CCDC102B: variants seen among roughly 807,000 people sequenced by gnomAD.
CCDC102B encodes the protein coiled-coil domain containing 102B.
CCDC102B carries 75 observed loss-of-function variants against 57.4 expected under a neutral mutation model. The observed-to-expected ratio is 1.31, with a 90% CI of 1.08 to 1.58. The LOEUF (loss-of-function observed/expected upper bound fraction) is 1.58, where lower values mean the gene tolerates loss of function less well. Ranked by LOEUF, CCDC102B falls within the 40% of genes most tolerant of loss-of-function variation. The pLI is 0.00. For missense variants in CCDC102B, 636 were observed against 582.6 expected (o/e 1.09, Z -0.94); for synonymous variants, 206 against 201.9 (o/e 1.02, Z -0.17).
intron 2 of CCDC102B, among the ~76,000 whole-genome samples, chr18:68,735,302 G>C (rs2033077393): frequency 6.6e-6 from 1 of 152,022 alleles, no homozygotes; most frequent in Non-Finnish European, 1.5e-5. Flanking sequence ...CAGGCGATCT[G>C]CCTGCCTCGG....
Position 68,993,368 on chromosome 18 carries a change from G to T in CCDC102B, c.1264-17566G>T, listed in dbSNP as rs563465096. On this transcript the variant is annotated intron_variant, in intron 6 of 7. Coordinates refer to ENST00000360242, the MANE Select transcript of CCDC102B (RefSeq NM_024781.3). The stretch of plus-strand genomic sequence containing the variant: ...ACTATCAAACACAGTGAAGGCATCA[G>T]TTGGCTCATGACAGATTGTCACATA... 6.6e-5 allele frequency: 10 copies of T among 152,360 alleles called. 2 individuals are homozygous for T. The highest frequency in any genetic ancestry group is 2.4e-4 in the African/African-American group (10 of 41,586). The allele number at this position is 152,360 out of a possible 1,614,324, so 9.4% of individuals were successfully genotyped here.
intron 6 of CCDC102B, among the ~76,000 whole-genome samples, chr18:68,929,556 A>G (rs1184142462): frequency 6.6e-6 from 1 of 151,948 alleles, no homozygotes; most frequent in East Asian, 1.9e-4. Flanking sequence ...TAAAAATAGT[A>G]TAAAATCTAA....
chr18:68,968,070 T>C (rs1218532647), intron 6 of CCDC102B, among the ~76,000 whole-genome samples: 2 of 152,148 alleles, frequency 1.3e-5, no homozygotes, highest in African/African-American at 4.8e-5. Context: ...TAAGAACTAA[T>C]TCCAATAATA....
chr18:68,782,304 G>C (rs10503122), intron 2 of CCDC102B, among the ~76,000 whole-genome samples: 2 of 151,650 alleles, frequency 1.3e-5, no homozygotes, highest in African/African-American at 4.9e-5. Context: ...CTTTGTCCTT[G>C]TTGTGTAGGA....
chr18:68,911,470 AGGCCGGGCGCGGTGGCTC>A (rs2040844915), intron 6 of CCDC102B, among the ~76,000 whole-genome samples: 1 of 151,978 alleles, frequency 6.6e-6, no homozygotes, highest in Admixed American at 6.5e-5. Context: ...AGATCAGAAA[AGGCCGGGCGCGGTGGCTC>A]ACGCCTGTAA....
chr18:69,008,149 C>CT (rs1269223955), intron 6 of CCDC102B, among the ~76,000 whole-genome samples: 2 of 152,124 alleles, frequency 1.3e-5, no homozygotes, highest in South Asian at 2.1e-4. Flanking sequence ...CAAGAAAGAT[C>CT]TTTTTTTAAA....
Position 68,731,814 on chromosome 18 carries a change from G to A in CCDC102B, c.-67+15220G>A, listed in dbSNP as rs73454089. Among the ~76,000 whole-genome samples the A allele has an allele frequency of 5.2e-3, 780 of 148,804 alleles. 9 individuals carry two copies. Among genetic ancestry groups the A allele is most frequent in the African/African-American group, 0.018 (736 of 41,026 alleles). ...CTCTTCAGACAGACAATAGTCTTGA[G>A]ATTTTGAAATCTCTGAACACCATTT... On this transcript the variant is annotated intron_variant, in intron 2 of 3. Transcript: ENST00000578970.
At chr18:68,740,102 C>T (rs748698250) in intron 2 of CCDC102B, among the ~76,000 whole-genome samples, 12 of 152,138 alleles carry the variant, frequency 7.9e-5, no homozygotes, top group East Asian at 7.7e-4. Flanking sequence ...TATGGAGAAG[C>T]GTCCTGTACA....
rs752772703 is a variant in CCDC102B, at chr18:68,897,361, G to T, written c.1196G>T (p.Arg399Ile). 1.9e-6 allele frequency: 3 copies of T among 1,612,810 alleles called. No individual in the cohort carries two copies. The African/African-American group carries it at 4.0e-5, about 22-fold the overall frequency. Residue 399 changes from arginine to isoleucine, a missense_variant, in exon 6 of 8, where the codon AGA becomes ATA. Coordinates refer to ENST00000360242, the MANE Select transcript of CCDC102B (RefSeq NM_024781.3). ...GAAGAGCTTTTGGATAAGAAAAATAGATTAAGTGCAAACTCTCAAAGTCCT... is the reference window on the plus strand; with the variant it reads ...GAAGAGCTTTTGGATAAGAAAAATATATTAAGTGCAAACTCTCAAAGTCCT... Reference protein sequence around the residue: ...EMEELLDKKNRLSANSQSPDF... With the variant: ...EMEELLDKKNILSANSQSPDF...
At chr18:69,020,744 C>T (rs1449814815) in intron 7 of CCDC102B, among the ~76,000 whole-genome samples, 1 of 152,088 alleles carries the variant, frequency 6.6e-6, no homozygotes, top group East Asian at 1.9e-4. Flanking sequence ...CTGTGGTATC[C>T]TTTGAATGCA....
chr18:68,886,059 A>G (rs775671907), intron 5 of CCDC102B, among the ~76,000 whole-genome samples: 2 of 151,886 alleles, frequency 1.3e-5, no homozygotes, highest in African/African-American at 2.4e-5. Context: ...AAATATATAT[A>G]TATATTTACA....
chr18:68,955,697 C>T (rs116093142), intron 6 of CCDC102B, among the ~76,000 whole-genome samples: 219 of 151,510 alleles, frequency 1.4e-3, no homozygotes, highest in Middle Eastern at 0.01. Flanking sequence ...CGTTTCCAAA[C>T]GTTGCTGATG....
intron 2 of CCDC102B, among the ~76,000 whole-genome samples, chr18:68,769,928 T>C (rs1001950263): frequency 1.3e-5 from 2 of 152,182 alleles, no homozygotes; most frequent in African/African-American, 2.4e-5. Context: ...TTGCATTGAA[T>C]ATATTAGGAT....
upstream of CCDC102B, among the ~76,000 whole-genome samples, chr18:68,794,198 A>C (rs1241017582): frequency 1.3e-5 from 2 of 152,110 alleles, no homozygotes; most frequent in Non-Finnish European, 2.9e-5. Flanking sequence ...TGCTGTTCTC[A>C]ATGTGTGGCT....
At position 69,004,214 on chromosome 18, in the gene CCDC102B, A is replaced by G. The variant is rs373519701; in HGVS notation, c.1264-6720A>G. 1.4e-3 allele frequency among the ~76,000 whole-genome samples: 213 copies of G among 152,302 alleles called. 2 individuals are homozygous for G. Among genetic ancestry groups the G allele is most frequent in the African/African-American group, 5.0e-3 (207 of 41,570 alleles). On this transcript the variant is annotated intron_variant, in intron 6 of 7. Coordinates refer to ENST00000360242, the MANE Select transcript of CCDC102B (RefSeq NM_024781.3). Reference sequence around the variant, plus strand: ...TGCTGAAGTCTGTTACCTGGGAAGCAGATTCTGGAGATATCAACATGCAGG... The same window carrying G: ...TGCTGAAGTCTGTTACCTGGGAAGCGGATTCTGGAGATATCAACATGCAGG...
chr18:68,924,105 C>A (rs1473468806), intron 6 of CCDC102B, among the ~76,000 whole-genome samples: 2 of 147,890 alleles, frequency 1.4e-5, no homozygotes, highest in East Asian at 4.0e-4. Context: ...ACAGTCTCTG[C>A]GTCTCAGCCC....
intron 2 of CCDC102B, among the ~76,000 whole-genome samples, chr18:68,790,738 C>G (rs901245396): frequency 2.6e-5 from 4 of 152,190 alleles, no homozygotes; most frequent in Admixed American, 1.3e-4. Flanking sequence ...CTGGCACTCC[C>G]TAGTGAGATG....
intron 6 of CCDC102B, among the ~76,000 whole-genome samples, chr18:68,915,841 G>A (rs569123833): frequency 1.2e-4 from 18 of 152,122 alleles, no homozygotes; most frequent in African/African-American, 2.9e-4. Flanking sequence ...TGTAAAGTAC[G>A]AATGAAGATT....
At chr18:68,806,759 T>A (rs994505043) in intron 1 of CCDC102B, among the ~76,000 whole-genome samples, 1 of 152,182 alleles carries the variant, frequency 6.6e-6, no homozygotes, top group Non-Finnish European at 1.5e-5. Flanking sequence ...TTTAATAATA[T>A]TTTTGATTTA....
Sources: allele counts gnomAD v4.1 joint callset (sites outside exome capture counted in the v4.1 genomes callset), GRCh38; gene constraint gnomAD v4.1.1; transcripts MANE v1.5; gene names NCBI Gene and HGNC (gene_info 2026-07-23, HGNC 2026-07-21).